Variants in NDUFAF6 observed in about 807,000 individuals in gnomAD.
NDUFAF6 encodes the protein NADH dehydrogenase (ubiquinone) complex I, assembly factor 6.
Under a neutral mutation model 40.8 loss-of-function variants are expected in NDUFAF6, and 45 were observed. That is an observed-to-expected ratio of 1.10 (90% CI 0.87 to 1.42). The LOEUF (loss-of-function observed/expected upper bound fraction) is 1.42, where lower values mean the gene tolerates loss of function less well. Among genes scored for constraint, NDUFAF6 ranks in the 40% most tolerant of loss-of-function variants. The pLI is 0.00. For synonymous variants in NDUFAF6, 185 were observed against 155.9 expected (o/e 1.19, Z -1.39); for missense variants, 435 against 418.5 (o/e 1.04, Z -0.34).
intron 1 of NDUFAF6, among the ~76,000 whole-genome samples, chr8:94,931,623 A>G (rs1258411853): frequency 8.5e-6 from 1 of 117,088 alleles, no homozygotes; most frequent in Non-Finnish European, 2.0e-5. Flanking sequence ...AAATTTTTTT[A>G]AAGTAGAATT....
intron 8 of NDUFAF6, 23 bp from the exon 9 acceptor site, chr8:95,057,786 G>A (rs1832378027): frequency 1.9e-6 from 3 of 1,559,566 alleles, no homozygotes; most frequent in African/African-American, 1.4e-5. Flanking sequence ...ATGATCTGGT[G>A]ATCACTATTC....
chr8:95,052,172 AGG>A lies in NDUFAF6; in HGVS notation c.817-1_817del. On this transcript the variant is annotated splice_acceptor_variant and coding_sequence_variant, in exon 8 of 9. Coordinates refer to ENST00000396124, the MANE Select transcript of NDUFAF6 (RefSeq NM_152416.4). LOFTEE classifies it high-confidence loss of function. ...CGAGCTTCCTCTCCTCTTCCTTTTT[AGG>A]CTAGGTCCTTTCACAAAACTGTTCC... is the stretch of plus-strand genomic sequence containing the variant. The A allele has an allele frequency of 6.2e-7, 1 of 1,614,050 alleles. No homozygotes were observed. Among genetic ancestry groups the A allele is most frequent in the Admixed American group, 1.7e-5 (1 of 60,018 alleles).
intron 2 of NDUFAF6, chr8:94,949,015 T>C (rs954105406): frequency 1.3e-5 from 2 of 148,460 alleles, no homozygotes; most frequent in African/African-American, 4.9e-5. Context: ...GCGAGGGGGC[T>C]CGGTGAACGC....
intron 1 of NDUFAF6, among the ~76,000 whole-genome samples, chr8:94,921,199 C>T (rs1461217710): frequency 6.6e-6 from 1 of 152,236 alleles, no homozygotes; most frequent in Non-Finnish European, 1.5e-5. Flanking sequence ...GTCCTTCTTG[C>T]ACATTGGCTG....
intron 1 of NDUFAF6, among the ~76,000 whole-genome samples, chr8:95,031,405 T>G (rs1397885871): frequency 6.6e-6 from 1 of 152,222 alleles, no homozygotes; most frequent in Non-Finnish European, 1.5e-5. Context: ...CTATTTTAAC[T>G]TGATTTATTC....
At chr8:95,093,285 G>T (rs77706703) in intron 2 of NDUFAF6, among the ~76,000 whole-genome samples, 1 of 152,160 alleles carries the variant, frequency 6.6e-6, no homozygotes, top group African/African-American at 2.4e-5. Context: ...TATCTTTGGG[G>T]TTGTGAGAAA....
intron 9 of NDUFAF6, among the ~76,000 whole-genome samples, chr8:95,069,812 AATATAT>A (rs552138037): frequency 6.9e-6 from 1 of 143,900 alleles, no homozygotes; most frequent in Non-Finnish European, 1.5e-5. Flanking sequence ...TATATATATA[AATATAT>A]ATATATATAA....
At chr8:94,984,137 G>A (rs141490294) in intron 2 of NDUFAF6, 3 of 152,276 alleles carry the variant, frequency 2.0e-5, no homozygotes, top group African/African-American at 7.2e-5. Flanking sequence ...GAAACCAGAG[G>A]TCCTATCAAA....
chr8:94,995,687 G>A (rs1301773930), intron 2 of NDUFAF6, among the ~76,000 whole-genome samples: 1 of 152,036 alleles, frequency 6.6e-6, no homozygotes, highest in East Asian at 1.9e-4. Context: ...GTATATCCTT[G>A]CCTTCAAGAA....
intron 2 of NDUFAF6, among the ~76,000 whole-genome samples, chr8:95,005,055 A>G (rs1826900711): frequency 6.6e-6 from 1 of 152,166 alleles, no homozygotes; most frequent in Non-Finnish European, 1.5e-5. Context: ...AAATAGCAGG[A>G]TTTTTAGGGT....
chr8:94,998,121 C>T (rs968917020), intron 2 of NDUFAF6, among the ~76,000 whole-genome samples: 1 of 151,996 alleles, frequency 6.6e-6, no homozygotes, highest in African/African-American at 2.4e-5. Context: ...AAAAATTACT[C>T]GAGAAAAACA....
chr8:94,997,430 C>T (rs968646799), intron 2 of NDUFAF6, among the ~76,000 whole-genome samples: 17 of 151,002 alleles, frequency 1.1e-4, no homozygotes, highest in Admixed American at 9.9e-4. Flanking sequence ...ATTTTTTCTT[C>T]CACTAGCAGA....
At chr8:94,962,821 C>T (rs557704079) in intron 1 of NDUFAF6, among the ~76,000 whole-genome samples, 40 of 149,162 alleles carry the variant, frequency 2.7e-4, no homozygotes, top group South Asian at 1.9e-3. Flanking sequence ...GATGGAGTCT[C>T]GCTGTGTTGC....
At chr8:94,930,459 A>G in intron 1 of NDUFAF6, 1 of 1,612,912 alleles carries the variant, frequency 6.2e-7, no homozygotes, top group African/African-American at 1.3e-5. Context: ...AGAGAAACCA[A>G]CCAACAAAAC....
chr8:95,112,732 G>A (rs961626147), intron 4 of NDUFAF6, among the ~76,000 whole-genome samples: 9 of 152,248 alleles, frequency 5.9e-5, no homozygotes, highest in South Asian at 4.1e-4. Context: ...TGCTCCTGCC[G>A]ATTCCTCTCT....
At chr8:95,076,578 T>C (rs1032042659), downstream of NDUFAF6, among the ~76,000 whole-genome samples, 2 of 152,148 alleles carry the variant, frequency 1.3e-5, no homozygotes, top group African/African-American at 4.8e-5. Context: ...ATGCTGAGTA[T>C]AAAATGACTC....
intron 1 of NDUFAF6, among the ~76,000 whole-genome samples, chr8:95,030,697 A>C (rs1828723671): frequency 1.3e-5 from 2 of 152,170 alleles, no homozygotes; most frequent in Admixed American, 6.5e-5. Context: ...TCCCTGCCCT[A>C]GGAATGGAGT....
chr8:94,973,835 C>A, intron 1 of NDUFAF6, among the ~76,000 whole-genome samples: 1 of 146,598 alleles, frequency 6.8e-6, no homozygotes, highest in African/African-American at 2.5e-5. Flanking sequence ...GCCTGGGCAA[C>A]ACAGCAAGAC....
intron 1 of NDUFAF6, among the ~76,000 whole-genome samples, chr8:94,905,643 C>T (rs682510): frequency 0.05 from 7,558 of 152,278 alleles, 245 homozygotes; most frequent in Middle Eastern, 0.065. Flanking sequence ...CTGCACTTCC[C>T]AAAGCTACCT....
Sources: gnomAD v4.1 joint callset for allele counts (sites outside exome capture counted in the v4.1 genomes callset) on GRCh38, gnomAD v4.1.1 for gene constraint, MANE v1.5 for transcripts, NCBI Gene and HGNC (gene_info 2026-07-23, HGNC 2026-07-21) for gene names.